Variants in RBFOX1 observed in about 807,000 individuals in gnomAD.
RBFOX1 encodes the protein RNA binding fox-1 homolog 1.
Under a neutral mutation model 57.7 loss-of-function variants are expected in RBFOX1, and 8 were observed. The observed-to-expected ratio is 0.14, with a 90% confidence interval of 0.08 to 0.25. The LOEUF (loss-of-function observed/expected upper bound fraction) is 0.25, where lower values mean the gene tolerates loss of function less well. Among genes scored for constraint, RBFOX1 ranks in the 10% least tolerant of loss-of-function variants. The pLI, the probability that RBFOX1 is intolerant of heterozygous loss-of-function variation, is 1.00. For missense variants in RBFOX1, 611 were observed against 548.5 expected (o/e 1.11, Z -1.14); for synonymous variants, 326 against 222.4 (o/e 1.47, Z -4.15).
intron 4 of RBFOX1, among the ~76,000 whole-genome samples, chr16:7,190,648 T>C (rs1034240278): frequency 2.0e-5 from 3 of 152,170 alleles, no homozygotes; most frequent in African/African-American, 7.2e-5. Context: ...CAGAAACCAG[T>C]ACCACATGAA....
At chr16:5,457,050 G>A (rs2068652170) in intron 1 of RBFOX1, among the ~76,000 whole-genome samples, 1 of 152,198 alleles carries the variant, frequency 6.6e-6, no homozygotes, top group African/African-American at 2.4e-5. Context: ...GGCCGGTTTG[G>A]TTCCAGGGGA....
chr16:6,678,979 C>A (rs1388050816), intron 3 of RBFOX1, among the ~76,000 whole-genome samples: 1 of 152,158 alleles, frequency 6.6e-6, no homozygotes, highest in Non-Finnish European at 1.5e-5. Context: ...ACTCTAATTT[C>A]TTTCTCAAAT....
chr16:6,938,913 C>G (rs149723680), intron 3 of RBFOX1, among the ~76,000 whole-genome samples: 4 of 152,104 alleles, frequency 2.6e-5, no homozygotes, highest in African/African-American at 4.8e-5. Flanking sequence ...GCCTGGGTGA[C>G]ATAGTGAGAG....
At chr16:5,358,047 G>C (rs2065441729) in intron 1 of RBFOX1, among the ~76,000 whole-genome samples, 1 of 152,188 alleles carries the variant, frequency 6.6e-6, no homozygotes, top group Non-Finnish European at 1.5e-5. Context: ...TTGTTCAGGA[G>C]GCTTAGACTC....
At chr16:6,628,545 C>A (rs1033087573) in intron 2 of RBFOX1, among the ~76,000 whole-genome samples, 1 of 152,152 alleles carries the variant, frequency 6.6e-6, no homozygotes, top group Admixed American at 6.5e-5. Flanking sequence ...ACTTCATCTA[C>A]CAATCCACCT....
At chr16:7,034,372 G>C (rs1370097101) in intron 3 of RBFOX1, among the ~76,000 whole-genome samples, 1 of 152,130 alleles carries the variant, frequency 6.6e-6, no homozygotes, top group Non-Finnish European at 1.5e-5. Flanking sequence ...CTGGAGGAGA[G>C]GGGGCTGAGG....
At chr16:5,813,338 G>A (rs554416597) in intron 3 of RBFOX1, among the ~76,000 whole-genome samples, 2 of 152,198 alleles carry the variant, frequency 1.3e-5, no homozygotes, top group East Asian at 3.9e-4. Context: ...AACCATTATG[G>A]TTCCAGAACT....
At chr16:6,290,375 A>G (rs185868150) in intron 1 of RBFOX1, among the ~76,000 whole-genome samples, 1 of 151,466 alleles carries the variant, frequency 6.6e-6, no homozygotes, top group East Asian at 2.0e-4. Flanking sequence ...AATTGTGACC[A>G]TAGCATTTTT....
At chr16:7,637,216 T>C (rs28593145) in intron 11 of RBFOX1, among the ~76,000 whole-genome samples, 2,702 of 149,674 alleles carry the variant, frequency 0.018, 90 homozygotes, top group African/African-American at 0.064. Flanking sequence ...CTAAAGTTAA[T>C]AGAAGATTAA....
At chr16:5,895,755 A>G (rs1031855251) in intron 4 of RBFOX1, among the ~76,000 whole-genome samples, 1 of 152,200 alleles carries the variant, frequency 6.6e-6, no homozygotes, top group Non-Finnish European at 1.5e-5. Flanking sequence ...ATGACATGTC[A>G]TGCGTCAGTC....
At chr16:7,491,392 T>C (rs943226383) in intron 4 of RBFOX1, among the ~76,000 whole-genome samples, 16 of 150,050 alleles carry the variant, frequency 1.1e-4, no homozygotes, top group African/African-American at 3.6e-4. Context: ...AGATTCAGTC[T>C]GCTGAAGGGC....
intron 3 of RBFOX1, among the ~76,000 whole-genome samples, chr16:5,746,541 C>A (rs1398252527): frequency 6.6e-6 from 1 of 152,144 alleles, no homozygotes; most frequent in African/African-American, 2.4e-5. Context: ...GTATGGCCAT[C>A]TTCACGATAT....
intron 5 of RBFOX1, among the ~76,000 whole-genome samples, chr16:7,567,619 C>CTATATATATATCCCTATATATGGCCA (rs2092176204): frequency 4.0e-5 from 1 of 25,122 alleles, no homozygotes; most frequent in African/African-American, 8.0e-5. Context: ...TTATATGGCC[C>CTATATATATATCCCTATATATGGCCA]TATATATATA....
chr16:5,899,749 C>T (rs956245999), intron 4 of RBFOX1, among the ~76,000 whole-genome samples: 23 of 152,162 alleles, frequency 1.5e-4, no homozygotes, highest in African/African-American at 5.3e-4. Flanking sequence ...CACAGATTCA[C>T]CTGAATGGGC....
At chr16:6,834,058 T>TA (rs2092909780) in intron 3 of RBFOX1, among the ~76,000 whole-genome samples, 1 of 38,832 alleles carries the variant, frequency 2.6e-5, no homozygotes, top group African/African-American at 1.9e-4. Flanking sequence ...CCAATAAATA[T>TA]TTTTTTTTCT....
intron 2 of RBFOX1, among the ~76,000 whole-genome samples, chr16:6,636,132 C>T (rs1300237091): frequency 1.3e-5 from 2 of 152,168 alleles, no homozygotes; most frequent in East Asian, 3.9e-4. Flanking sequence ...CCTCGCATCT[C>T]AGCAGTCAGA....
chr16:7,394,219 G>A (rs983623717), intron 4 of RBFOX1, among the ~76,000 whole-genome samples: 5 of 96,472 alleles, frequency 5.2e-5, no homozygotes, highest in Non-Finnish European at 9.1e-5. Context: ...CTGGGCAACA[G>A]AGCAAGACTC....
At chr16:7,504,104 G>C (rs905020732) in intron 4 of RBFOX1, among the ~76,000 whole-genome samples, 2 of 152,108 alleles carry the variant, frequency 1.3e-5, no homozygotes, top group Non-Finnish European at 2.9e-5. Context: ...CATAGGCTAG[G>C]CTCTGGGTTC....
At chr16:5,751,344 C>G (rs932937009) in intron 3 of RBFOX1, among the ~76,000 whole-genome samples, 3 of 145,750 alleles carry the variant, frequency 2.1e-5, no homozygotes, top group African/African-American at 5.2e-5. Context: ...TTGTGCATCC[C>G]TTATCTTTCT....
Sources: gnomAD v4.1 joint callset for allele counts (sites outside exome capture counted in the v4.1 genomes callset) on GRCh38, gnomAD v4.1.1 for gene constraint, MANE v1.5 for transcripts, NCBI Gene and HGNC (gene_info 2026-07-23, HGNC 2026-07-21) for gene names.